CRTC1: variants seen among roughly 807,000 people sequenced by gnomAD.
CRTC1 encodes CREB-regulated transcription coactivator 1.
CRTC1 carries 18 observed loss-of-function variants against 66.1 expected under a neutral mutation model. The ratio of observed to expected loss-of-function variants is 0.27; its 90% CI spans 0.19 to 0.40. CRTC1 has a LOEUF of 0.40. Ranked by LOEUF, CRTC1 falls within the 10% of genes least tolerant of loss-of-function variation. The pLI, the probability that CRTC1 is intolerant of heterozygous loss-of-function variation, is 1.00. For missense variants in CRTC1, 669 were observed against 887.9 expected (o/e 0.75, Z 3.13); for synonymous variants, 416 against 398.8 (o/e 1.04, Z -0.51).
At chr19:18,735,851 T>G (rs1002007452) in intron 1 of CRTC1, among the ~76,000 whole-genome samples, 1 of 152,196 alleles carries the variant, frequency 6.6e-6, no homozygotes, top group Admixed American at 6.5e-5. Context: ...CCTGGAGATC[T>G]AATGCTTGCT....
intron 11 of CRTC1, among the ~76,000 whole-genome samples, 174 bp from the exon 12 acceptor site, chr19:18,774,726 A>G (rs1252066168): frequency 6.6e-6 from 1 of 152,118 alleles, no homozygotes; most frequent in Admixed American, 6.5e-5. Context: ...GTGGCAGAAA[A>G]AAAGTCATCC....
chr19:18,745,706 C>T (rs1480147648), intron 2 of CRTC1, 117 bp from the exon 3 acceptor site: 6 of 1,331,684 alleles, frequency 4.5e-6, no homozygotes, highest in Middle Eastern at 2.6e-4. Flanking sequence ...GAGCGATGGC[C>T]GAGGGTGCTC....
chr19:18,720,889 G>A (rs1316904460), intron 1 of CRTC1, among the ~76,000 whole-genome samples: 1 of 152,224 alleles, frequency 6.6e-6, no homozygotes, highest in Admixed American at 6.5e-5. Context: ...TACACTGCCT[G>A]CACACATGCG....
chr19:18,767,972 C>CT (rs745734302), intron 9 of CRTC1, among the ~76,000 whole-genome samples: 11 of 152,230 alleles, frequency 7.2e-5, no homozygotes, highest in Admixed American at 1.3e-4. Flanking sequence ...TGATTTTCCT[C>CT]TTTCCAGCTC....
intron 1 of CRTC1, among the ~76,000 whole-genome samples, chr19:18,714,489 G>A (rs2053462844): frequency 1.3e-5 from 2 of 152,210 alleles, no homozygotes; most frequent in Non-Finnish European, 2.9e-5. Context: ...TGTATTTTTA[G>A]TAGAGAGCGG....
At chr19:18,714,100 C>T (rs2053452324) in intron 1 of CRTC1, among the ~76,000 whole-genome samples, 1 of 152,182 alleles carries the variant, frequency 6.6e-6, no homozygotes, top group African/African-American at 2.4e-5. Context: ...TACACGTATG[C>T]ATGAGGCTGG....
chr19:18,746,120 G>A (rs1187831379), intron 3 of CRTC1, among the ~76,000 whole-genome samples, 160 bp downstream of exon 3: 2 of 152,178 alleles, frequency 1.3e-5, no homozygotes, highest in South Asian at 2.1e-4. Flanking sequence ...GGGCAGCCTG[G>A]GGGACTTCCT....
intron 13 of CRTC1, 37 bp downstream of exon 13, chr19:18,775,858 A>G: frequency 1.3e-6 from 2 of 1,527,722 alleles, no homozygotes; most frequent in Non-Finnish European, 1.8e-6. Flanking sequence ...CGGCGCCCCA[A>G]GGGGCCTCAG....
Position 18,747,134 on chromosome 19 carries a change from C to CT in CRTC1, c.443+20_443+21insT. 1 of 835,316 alleles carries CT rather than the reference C, an allele frequency of 1.2e-6. No homozygotes were observed. The allele number at this position is 835,316 out of a possible 1,614,324, so 51.7% of individuals were successfully genotyped here. A position where few individuals can be genotyped will look rare whatever the true frequency, so the allele number is the denominator to read the frequency against. ...GAGAAGGTCAGTGGCTGGACACCCC[C>CT]CCCCCGCCCCCTTCTTGTTGGAAAC... On this transcript the variant is annotated intron_variant, in intron 4 of 13. Transcript: ENST00000321949.
chr19:18,732,182 C>G (rs2053904748), intron 1 of CRTC1, among the ~76,000 whole-genome samples: 1 of 152,188 alleles, frequency 6.6e-6, no homozygotes, highest in Non-Finnish European at 1.5e-5. Context: ...CTGTCTCCCA[C>G]AAACTCACAA....
chr19:18,734,876 C>T (rs968444427), intron 1 of CRTC1, among the ~76,000 whole-genome samples: 39 of 152,110 alleles, frequency 2.6e-4, no homozygotes, highest in Non-Finnish European at 3.4e-4. Context: ...CCCCTGGGAC[C>T]CAGTGCCTGG....
intron 1 of CRTC1, among the ~76,000 whole-genome samples, chr19:18,685,916 C>T (rs79517768): frequency 0.02 from 3,050 of 152,260 alleles, 106 homozygotes; most frequent in African/African-American, 0.07. Flanking sequence ...GAAAACATCT[C>T]TTTAAAATAA....
rs2054119961 is a variant in CRTC1, at chr19:18,741,943, A to C, written c.127-967A>C. Among the ~76,000 whole-genome samples the C allele has an allele frequency of 6.6e-6, 1 of 152,084 alleles. No individual in the cohort carries two copies. Among genetic ancestry groups the C allele is most frequent in the Non-Finnish European group, 1.5e-5 (1 of 67,990 alleles). ...TGCCAGGAGCTGTTTGTAAGGAACGAGTCGGCCTTGTTGTGTACACAGTGT... is the reference window on the plus strand; with the variant it reads ...TGCCAGGAGCTGTTTGTAAGGAACGCGTCGGCCTTGTTGTGTACACAGTGT... On this transcript the variant is annotated intron_variant, in intron 1 of 13. Transcript: ENST00000321949. This position sits in a 1 kb window ranked among gnomAD's most constrained non-coding sequence, Gnocchi z 4.2.
At position 18,781,928 on chromosome 19, in the gene CRTC1, C is replaced by T. The variant is rs2055111324; in HGVS notation, c.*4546C>T. ...CCTTGCCCAGCCCAGCCATCAAGAA[C>T]TTCTGATCTCCTGCCCACCAGGAGG... On this transcript the variant is annotated 3_prime_UTR_variant, in exon 14 of 14. Transcript: ENST00000321949. 4.3e-6 allele frequency: 1 copy of T among 230,520 alleles called. No homozygotes were observed. 14.3% of individuals were successfully genotyped at this position (230,520 alleles called of 1,614,324 possible). A position where few individuals can be genotyped will look rare whatever the true frequency, so the allele number is the denominator to read the frequency against.
intron 1 of CRTC1, among the ~76,000 whole-genome samples, chr19:18,711,173 G>A (rs1041968608): frequency 2.0e-5 from 3 of 152,140 alleles, no homozygotes; most frequent in Non-Finnish European, 2.9e-5. Flanking sequence ...GAACCTTCCC[G>A]TCCCAGGTGG....
chr19:18,698,613 G>A (rs972729220), intron 1 of CRTC1, among the ~76,000 whole-genome samples: 2 of 150,700 alleles, frequency 1.3e-5, no homozygotes, highest in Non-Finnish European at 1.5e-5. Flanking sequence ...CTCAGCAGGC[G>A]CAGTGTGTGC....
At chr19:18,725,007 C>A (rs1343977672) in intron 1 of CRTC1, among the ~76,000 whole-genome samples, 2 of 151,966 alleles carry the variant, frequency 1.3e-5, no homozygotes, top group East Asian at 2.0e-4. Flanking sequence ...CTGGCCCCAC[C>A]CAGGAGCGCT....
In CRTC1 at chr19:18,760,949, C is replaced by T. The variant is rs1317722161; in HGVS notation, c.886+721C>T. 1.3e-5 allele frequency among the ~76,000 whole-genome samples: 2 copies of T among 152,036 alleles called. No homozygotes were observed. Among genetic ancestry groups the T allele is most frequent in the Admixed American group, 6.6e-5 (1 of 15,264 alleles). On this transcript the variant is annotated intron_variant, in intron 8 of 13. Coordinates refer to ENST00000321949, the MANE Select transcript of CRTC1 (RefSeq NM_015321.3). This position sits in a 1 kb window ranked among gnomAD's most constrained non-coding sequence, Gnocchi z 6.2. ...CCCCCTCCCCACCTAGAACAGCCAC[C>T]AGCCATGGCTTCCTCCACTTGGGAC...
chr19:18,713,732 C>T (rs1428460973), intron 1 of CRTC1, among the ~76,000 whole-genome samples: 2 of 152,250 alleles, frequency 1.3e-5, no homozygotes, highest in East Asian at 1.9e-4. Context: ...TCCACTTGCG[C>T]GTGAAGCAAA....
Sources: gnomAD v4.1 joint callset for allele counts (sites outside exome capture counted in the v4.1 genomes callset) on GRCh38, gnomAD v4.1.1 for gene constraint, Gnocchi (gnomAD v3.1) non-coding constraint, MANE v1.5 for transcripts, NCBI Gene and HGNC (gene_info 2026-07-23, HGNC 2026-07-21) for gene names.